Variants in RNF212B observed in about 807,000 individuals in gnomAD.
RNF212B encodes the protein E3 ubiquitin-protein ligase RNF212B.
RNF212B carries 52 observed loss-of-function variants against 55.5 expected under a neutral mutation model. That is an observed-to-expected ratio of 0.94 (90% confidence interval 0.75 to 1.18). RNF212B has a LOEUF of 1.18. Among genes scored for constraint, RNF212B ranks in the 50% most tolerant of loss-of-function variants. The pLI is 0.00. For missense variants in RNF212B, 289 were observed against 350.4 expected (o/e 0.82, Z 1.40); for synonymous variants, 99 against 121.4 (o/e 0.82, Z 1.21).
chr14:23,234,810 A>G (rs976415022), upstream of RNF212B, among the ~76,000 whole-genome samples: 3 of 152,252 alleles, frequency 2.0e-5, no homozygotes, highest in Admixed American at 6.5e-5. Flanking sequence ...GCATGATGCT[A>G]CATGCCTGTA....
At chr14:23,191,030 C>G (rs539646922) in intron 1 of RNF212B, among the ~76,000 whole-genome samples, 1 of 152,286 alleles carries the variant, frequency 6.6e-6, no homozygotes, top group South Asian at 2.1e-4. Context: ...ATCACCTGCT[C>G]AAGGGGGACT....
intron 5 of RNF212B, among the ~76,000 whole-genome samples, chr14:23,258,992 G>A (rs1566435825): frequency 1.3e-5 from 2 of 150,948 alleles, no homozygotes; most frequent in Non-Finnish European, 3.0e-5. Context: ...GATCAGCCTG[G>A]GCAACACAGC....
At position 23,254,286 on chromosome 14, in the gene RNF212B, C is replaced by CA. The variant is rs763020430; in HGVS notation, c.229-4258dup. On this transcript the variant is annotated intron_variant, in intron 4 of 14. Coordinates refer to ENST00000430154, the MANE Select transcript of RNF212B (RefSeq NM_001282322.3). ...GGTGACAGAGCAATACTCTTTATCT[C>CA]AAAAACAAAACAAAACAAAACAAAA... Among the ~76,000 whole-genome samples the CA allele has an allele frequency of 1.7e-3, 142 of 84,760 alleles. 5 individuals are homozygous for CA. The highest frequency in any genetic ancestry group is 3.5e-3 in the African/African-American group (74 of 20,860). The allele number at this position is 84,760 out of a possible 152,430, so 55.6% of individuals were successfully genotyped here.
Position 23,273,116 on chromosome 14 carries a change from C to T in RNF212B, c.*225C>T. On this transcript the variant is annotated 3_prime_UTR_variant, in exon 15 of 15. Transcript: ENST00000430154. The stretch of plus-strand genomic sequence containing the variant: ...CTTCAGGAAGATGTTTATATCTCTT[C>T]CAGAAGACACTGGTAGCTCCCCTCA... 2.7e-6 allele frequency: 1 copy of T among 373,438 alleles called. No individual in the cohort carries two copies. The allele number at this position is 373,438 out of a possible 1,614,324, so 23.1% of individuals were successfully genotyped here.
At chr14:23,227,331 A>T (rs74036954) in intron 2 of RNF212B, among the ~76,000 whole-genome samples, 12,983 of 152,108 alleles carry the variant, frequency 0.085, 767 homozygotes, top group African/African-American at 0.17. Flanking sequence ...TAAAACAAAA[A>T]GTTACAATTT....
intron 2 of RNF212B, among the ~76,000 whole-genome samples, chr14:23,220,707 C>G (rs558683398): frequency 1.3e-5 from 2 of 150,734 alleles, no homozygotes; most frequent in Non-Finnish European, 3.0e-5. Flanking sequence ...CACCTGTAGT[C>G]CCAGCTACTC....
intron 2 of RNF212B, among the ~76,000 whole-genome samples, chr14:23,217,295 A>T (rs555772948): frequency 3.2e-4 from 49 of 151,966 alleles, no homozygotes; most frequent in Admixed American, 1.3e-3. Context: ...GGGAGGGAAG[A>T]GCGGGAAGAA....
intron 1 of RNF212B, among the ~76,000 whole-genome samples, chr14:23,185,670 A>G (rs1013659421): frequency 6.6e-6 from 1 of 152,258 alleles, no homozygotes; most frequent in African/African-American, 2.4e-5. Flanking sequence ...TTATGGGATC[A>G]AATACGTTCT....
upstream of RNF212B, among the ~76,000 whole-genome samples, chr14:23,235,299 A>T (rs1178762619): frequency 6.6e-6 from 1 of 152,108 alleles, no homozygotes; most frequent in Non-Finnish European, 1.5e-5. Flanking sequence ...GTAGCAAGCT[A>T]TGATTGTGCC....
At chr14:23,249,278 G>T (rs1247091962) in intron 4 of RNF212B, among the ~76,000 whole-genome samples, 1 of 152,210 alleles carries the variant, frequency 6.6e-6, no homozygotes, top group Admixed American at 6.5e-5. Flanking sequence ...TACTCAGTGG[G>T]CCAGGCGCAG....
chr14:23,214,265 A>G (rs1880858405), intron 2 of RNF212B, among the ~76,000 whole-genome samples: 1 of 152,190 alleles, frequency 6.6e-6, no homozygotes, highest in African/African-American at 2.4e-5. Context: ...AGGCCAAGGC[A>G]GGTGGATCAT....
rs538016739 is a variant in RNF212B, at chr14:23,195,281, C to T, written c.-2+1880C>T. Among the ~76,000 whole-genome samples the T allele has an allele frequency of 1.1e-3, 160 of 151,696 alleles. 3 individuals carry two copies. In the South Asian group the frequency reaches 0.015, roughly 15 times the overall value. ...TGTCTCTAAAGAAAAAAAAAAAACC[C>T]ATGAGATGCAGCTAAAGTAGTATTC... On this transcript the variant is annotated intron_variant, in intron 2 of 15. Transcript: ENST00000399910.
upstream of RNF212B, among the ~76,000 whole-genome samples, chr14:23,236,840 A>G (rs982305500): frequency 2.6e-5 from 4 of 151,652 alleles, no homozygotes; most frequent in Non-Finnish European, 4.4e-5. Context: ...ACCTGAACAC[A>G]ATATAAGGGG....
rs1260051567 is a variant in RNF212B, at chr14:23,262,952, A to G, written c.506A>G (p.His169Arg). 2 of 1,550,594 alleles carry G rather than the reference A, an allele frequency of 1.3e-6. No homozygotes were observed. Among genetic ancestry groups the G allele is most frequent in the East Asian group, 4.9e-5 (2 of 40,922 alleles). ...GTTACCCCACGACCCAGTTTCCAGCATAGCAGTCAAGTGGTCAGGTAAACC... is the reference window on the plus strand; with the variant it reads ...GTTACCCCACGACCCAGTTTCCAGCGTAGCAGTCAAGTGGTCAGGTAAACC... ...QSVTPRPSFQ[H>R]SSQVVSRSSS... is the part of the protein sequence containing the mutation. The change falls in exon 9 of 15, where the codon CAT (histidine) becomes CGT (arginine). Residue 169 changes from histidine (H) to arginine (R), a missense_variant. By Grantham distance (29) the His-to-Arg change is conservative. Transcript: ENST00000430154.
At chr14:23,189,188 G>A (rs57224524) in intron 1 of RNF212B, among the ~76,000 whole-genome samples, 18,686 of 151,952 alleles carry the variant, frequency 0.12, 2,719 homozygotes, top group African/African-American at 0.35. Context: ...CCAAATCTTC[G>A]CTTCTAGTTG....
intron 2 of RNF212B, among the ~76,000 whole-genome samples, chr14:23,213,496 G>T (rs903902752): frequency 2.0e-5 from 3 of 152,092 alleles, no homozygotes; most frequent in African/African-American, 7.2e-5. Context: ...GAGGCGGAAA[G>T]AAGAAGTATT....
intron 13 of RNF212B, 30 bp downstream of exon 13, chr14:23,269,990 G>C: frequency 8.5e-7 from 1 of 1,176,002 alleles, no homozygotes; most frequent in Non-Finnish European, 1.2e-6. Context: ...CAAAGGAATG[G>C]AGCTTCAACT....
At chr14:23,223,285 C>T (rs12892827) in intron 2 of RNF212B, among the ~76,000 whole-genome samples, 24,633 of 151,830 alleles carry the variant, frequency 0.16, 2,029 homozygotes, top group Non-Finnish European at 0.18. Context: ...AAGAATGATA[C>T]CTCAATATAA....
chr14:23,223,402 C>T (rs1209126758), intron 2 of RNF212B, among the ~76,000 whole-genome samples: 1 of 151,896 alleles, frequency 6.6e-6, no homozygotes, highest in Admixed American at 6.6e-5. Flanking sequence ...GTCGCTCAGG[C>T]TGGAGTGCAG....
Sources: allele counts gnomAD v4.1 joint callset (sites outside exome capture counted in the v4.1 genomes callset), GRCh38; gene constraint gnomAD v4.1.1; transcripts MANE v1.5; gene names NCBI Gene and HGNC (gene_info 2026-07-23, HGNC 2026-07-21).